The following WASHC5 variants were observed in gnomAD, a reference collection of about 807,000 sequenced individuals.
WASHC5 encodes the protein WASH complex subunit strumpellin.
In WASHC5, 101 loss-of-function variants were observed where a neutral mutation model predicts 150.4. The observed-to-expected ratio is 0.67, with a 90% confidence interval of 0.57 to 0.79. WASHC5 has a LOEUF of 0.79. WASHC5 is among the 30% of genes least tolerant of loss of function. The probability of loss-of-function intolerance (pLI) is 0.00; values close to 1 mark genes in which losing one functional copy is unlikely to be tolerated. For missense variants in WASHC5, 1,195 were observed against 1,396.3 expected, an observed-to-expected ratio of 0.86 and a Z score of 2.30; for synonymous variants, 467 against 491.2, an observed-to-expected ratio of 0.95 and a Z score of 0.65.
intron 1 of WASHC5, among the ~76,000 whole-genome samples, chr8:125,087,638 T>TG (rs1023928387): frequency 3.4e-5 from 5 of 148,074 alleles, no homozygotes; most frequent in African/African-American, 1.3e-4. Context: ...GAGGCTGAGG[T>TG]GGGAGGATTG....
intron 5 of WASHC5, among the ~76,000 whole-genome samples, chr8:125,079,991 C>G (rs994237456): frequency 6.6e-6 from 1 of 152,128 alleles, no homozygotes; most frequent in African/African-American, 2.4e-5. Context: ...TAAAATATAT[C>G]TAACTTTTTT....
chr8:125,076,508 G>A lies in WASHC5; in HGVS notation c.712-8C>T. 1 of 1,613,592 alleles carries A rather than the reference G, an allele frequency of 6.2e-7. No individual in the cohort carries two copies. Among genetic ancestry groups the A allele is most frequent in the African/African-American group, 1.3e-5 (1 of 74,962 alleles). On this transcript the variant is annotated splice_region_variant and splice_polypyrimidine_tract_variant and intron_variant, in intron 6 of 28. Transcript: ENST00000318410. ...CAAAGGATACGCTGAGACCTGCAAT[G>A]TCAAGACGACACCCCGAGAAAGCTG...
intron 23 of WASHC5, among the ~76,000 whole-genome samples, chr8:125,041,039 G>A (rs980341889): frequency 1.2e-4 from 18 of 152,182 alleles, no homozygotes; most frequent in African/African-American, 4.3e-4. Context: ...ATTAACTACA[G>A]TACTTTAAAA....
intron 16 of WASHC5, 25 bp downstream of exon 16, chr8:125,056,652 G>A (rs779544360): frequency 6.2e-7 from 1 of 1,613,814 alleles, no homozygotes; most frequent in South Asian, 1.1e-5. Flanking sequence ...AATATGAAAA[G>A]GCAGAAGTCA....
At chr8:125,035,460 G>C (rs576240862) in intron 26 of WASHC5, among the ~76,000 whole-genome samples, 1 of 152,354 alleles carries the variant, frequency 6.6e-6, no homozygotes, top group East Asian at 1.9e-4. Context: ...ACATAGAACA[G>C]AGAGAGAACA....
At chr8:125,066,771 T>G (rs1210469710) in intron 10 of WASHC5, among the ~76,000 whole-genome samples, 1 of 152,186 alleles carries the variant, frequency 6.6e-6, no homozygotes, top group East Asian at 1.9e-4. Flanking sequence ...TTTGAATTGT[T>G]TATGTTCCTC....
chr8:125,061,012 C>A, intron 12 of WASHC5, 70 bp downstream of exon 12: 6 of 813,636 alleles, frequency 7.4e-6, no homozygotes, highest in Non-Finnish European at 1.3e-5. Flanking sequence ...TTTACAGGAA[C>A]AGACTGCTGG....
intron 24 of WASHC5, 34 bp downstream of exon 24, chr8:125,039,761 C>A: frequency 7.1e-7 from 1 of 1,405,224 alleles, no homozygotes; most frequent in Non-Finnish European, 1.0e-6. Context: ...ACAATCCAAG[C>A]CCACGGATGG....
At chr8:125,035,007 T>G (rs1815657106) in intron 26 of WASHC5, among the ~76,000 whole-genome samples, 1 of 152,180 alleles carries the variant, frequency 6.6e-6, no homozygotes, top group Non-Finnish European at 1.5e-5. Flanking sequence ...TCTTTACAGT[T>G]TCAATAATCA....
intron 1 of WASHC5, among the ~76,000 whole-genome samples, chr8:125,088,009 A>T (rs986982431): frequency 2.6e-5 from 4 of 152,176 alleles, no homozygotes; most frequent in African/African-American, 9.7e-5. Context: ...TCAGAAGGAA[A>T]TGAGAGAGCA....
chr8:125,047,211 G>C lies in WASHC5; in HGVS notation c.2500C>G (p.Pro834Ala), dbSNP rs1816093442. 1 of 1,613,884 alleles carries C rather than the reference G, an allele frequency of 6.2e-7. No individual in the cohort carries two copies. The highest frequency in any genetic ancestry group is 1.7e-5 in the Admixed American group (1 of 59,988). ...LCREILRITD[P>A]KMTCHIDQLN... ...GTAGAATTCAGGTACACCTACTTTG[G>C]GTCTGTGATCCGCAGGATTTCTCTG... Residue 834 changes from proline (P) to alanine (A), a missense_variant, in exon 20 of 29, where the codon CCA becomes GCA. Coordinates refer to ENST00000318410, the MANE Select transcript of WASHC5 (RefSeq NM_014846.4).
At chr8:125,066,105 AC>A (rs1432565472) in intron 10 of WASHC5, among the ~76,000 whole-genome samples, 1 of 152,158 alleles carries the variant, frequency 6.6e-6, no homozygotes, top group Non-Finnish European at 1.5e-5. Flanking sequence ...AATTTCCAGC[AC>A]CTGGCAAAGA....
intron 10 of WASHC5, among the ~76,000 whole-genome samples, chr8:125,066,793 C>T (rs996449355): frequency 5.3e-5 from 8 of 152,166 alleles, no homozygotes; most frequent in South Asian, 2.1e-4. Context: ...TCACCAAAGA[C>T]GACTTGATAT....
At chr8:125,034,067 C>T (rs781265690) in intron 26 of WASHC5, among the ~76,000 whole-genome samples, 12 of 151,726 alleles carry the variant, frequency 7.9e-5, no homozygotes, top group African/African-American at 1.5e-4. Flanking sequence ...AATTTAAAAA[C>T]GAGCATAAGA....
In WASHC5 at chr8:125,024,659, A is replaced by G. The variant is rs764539889; in HGVS notation, c.3438T>C (p.His1146=). ...TKLPRRVAEA[H]VPNFIFDEFR... is the part of the protein sequence containing the mutation. The stretch of plus-strand genomic sequence containing the variant: ...ACTCATCAAAAATGAAATTAGGCAC[A>G]TGTGCTTCAGCAACCTGAAAAATTA... Residue 1146 remains histidine, a synonymous_variant, in exon 29 of 29, where the codon CAT becomes CAC. Transcript: ENST00000318410. The G allele has an allele frequency of 5.6e-6, 9 of 1,610,246 alleles. No individual in the cohort carries two copies. In the South Asian group the frequency reaches 8.8e-5, roughly 16 times the overall value.
At position 125,060,312 on chromosome 8, in the gene WASHC5, C is replaced by A. The variant is rs575756018; in HGVS notation, c.1521+770G>T. Reference sequence around the variant, plus strand: ...GACCAACCTGGCTAACATGGTGAAACCCCGTCTCTACTAAAAATACAAAAT... The same window carrying A: ...GACCAACCTGGCTAACATGGTGAAAACCCGTCTCTACTAAAAATACAAAAT... On this transcript the variant is annotated intron_variant, in intron 12 of 28. Coordinates refer to ENST00000318410, the MANE Select transcript of WASHC5 (RefSeq NM_014846.4). Among the ~76,000 whole-genome samples the A allele has an allele frequency of 2.0e-5, 3 of 152,184 alleles. No homozygotes were observed. In the East Asian group the frequency reaches 5.8e-4, roughly 29 times the overall value.
intron 19 of WASHC5, among the ~76,000 whole-genome samples, chr8:125,048,163 C>T (rs1446746424): frequency 1.3e-5 from 2 of 152,264 alleles, no homozygotes; most frequent in East Asian, 1.9e-4. Context: ...ATGGGAACTT[C>T]GGCTTTCTGT....
At chr8:125,032,200 G>C (rs1464058350) in intron 27 of WASHC5, 41 bp downstream of exon 27, 42 of 1,609,946 alleles carry the variant, frequency 2.6e-5, no homozygotes, top group Non-Finnish European at 3.2e-5. Flanking sequence ...GTTAGGTTTT[G>C]TGACAAGAAG....
intron 9 of WASHC5, among the ~76,000 whole-genome samples, chr8:125,069,424 A>G (rs1473880746): frequency 6.6e-6 from 1 of 152,236 alleles, no homozygotes; most frequent in Admixed American, 6.5e-5. Context: ...ACTTTGTCAA[A>G]AAGTTCACAG....
Sources: gnomAD v4.1 joint callset for allele counts (sites outside exome capture counted in the v4.1 genomes callset) on GRCh38, gnomAD v4.1.1 for gene constraint, MANE v1.5 for transcripts, NCBI Gene and HGNC (gene_info 2026-07-23, HGNC 2026-07-21) for gene names.